The following CYSTM1 variants were observed in gnomAD, a reference collection of about 807,000 sequenced individuals.
CYSTM1 encodes cysteine rich transmembrane module containing 1.
In CYSTM1, 4 loss-of-function variants were observed where a neutral mutation model predicts 13.1. The ratio of observed to expected loss-of-function variants is 0.31; its 90% CI spans 0.15 to 0.70. The LOEUF is 0.70. Ranked by LOEUF, CYSTM1 falls within the 30% of genes least tolerant of loss-of-function variation. The pLI is 0.72. For synonymous variants in CYSTM1, 36 were observed against 42.7 expected (o/e 0.84, Z 0.62); for missense variants, 96 against 121.6 (o/e 0.79, Z 0.99).
At chr5:140,186,156 C>T (rs28631068) in intron 1 of CYSTM1, among the ~76,000 whole-genome samples, 35,108 of 152,116 alleles carry the variant, frequency 0.23, 4,079 homozygotes, top group African/African-American at 0.25. Context: ...CTCTTATCTC[C>T]AGCTCTAGGC....
intron 2 of CYSTM1, among the ~76,000 whole-genome samples, chr5:140,220,528 G>T (rs1223267045): frequency 3.9e-5 from 6 of 152,120 alleles, no homozygotes; most frequent in Non-Finnish European, 5.9e-5. Context: ...TTGGCATGTG[G>T]CTGTGAGCTT....
intron 2 of CYSTM1, among the ~76,000 whole-genome samples, chr5:140,218,461 G>C (rs1287355827): frequency 6.6e-6 from 1 of 152,184 alleles, no homozygotes; most frequent in Non-Finnish European, 1.5e-5. Flanking sequence ...GGCCTATGTG[G>C]ATTAACTCAT....
At chr5:140,224,479 A>G (rs1257738535) in intron 2 of CYSTM1, among the ~76,000 whole-genome samples, 1 of 152,004 alleles carries the variant, frequency 6.6e-6, no homozygotes, top group Non-Finnish European at 1.5e-5. Context: ...GATTAGACAA[A>G]TATCTTCACT....
At position 140,183,343 on chromosome 5, in the gene CYSTM1, C is replaced by A. The variant is rs1220363707; in HGVS notation, c.-21+8058C>A. On this transcript the variant is annotated intron_variant, in intron 1 of 2. Transcript: ENST00000261811. ...GTGTTCACAGCTTTCTTCCCTTTTC[C>A]TTTCCCTTCTGTTCAATACTGCCCT... 3.9e-5 allele frequency among the ~76,000 whole-genome samples: 6 copies of A among 152,318 alleles called. No individual in the cohort carries two copies. In the East Asian group the frequency reaches 1.2e-3, roughly 29 times the overall value.
intron 2 of CYSTM1, among the ~76,000 whole-genome samples, chr5:140,225,501 C>A (rs181406914): frequency 5.8e-4 from 88 of 152,330 alleles, no homozygotes; most frequent in Middle Eastern, 3.4e-3. Flanking sequence ...TCCCATGTCC[C>A]ATATGTTTCT....
chr5:140,243,094 C>T (rs1329252231), intron 2 of CYSTM1, among the ~76,000 whole-genome samples: 2 of 152,310 alleles, frequency 1.3e-5, no homozygotes, highest in African/African-American at 2.4e-5. Flanking sequence ...AGGGTGAGGG[C>T]GTCCTGAGTC....
rs565166259 is a variant in CYSTM1, at chr5:140,212,224, C to T, written c.187+17572C>T. ...ATTCTTAACTACAGTCATGCACCGC[C>T]GCATAAGGATGTCTTGGTCAACAAC... On this transcript the variant is annotated intron_variant, in intron 2 of 2. Coordinates refer to ENST00000261811, the MANE Select transcript of CYSTM1 (RefSeq NM_032412.4). Among the ~76,000 whole-genome samples, 4 of 152,184 alleles carry T rather than the reference C, an allele frequency of 2.6e-5. No individual in the cohort carries two copies. In the East Asian group the frequency reaches 5.8e-4, roughly 22 times the overall value.
At chr5:140,188,778 C>A (rs1216671900) in intron 1 of CYSTM1, among the ~76,000 whole-genome samples, 1,533 of 112,996 alleles carry the variant, frequency 0.014, no homozygotes, top group South Asian at 0.028. Context: ...GACTCCGTCT[C>A]AAAAAAAAAA....
Position 140,194,609 on chromosome 5 carries a change from G to T in CYSTM1, c.144G>T (p.Gln48His). The T allele has an allele frequency of 6.2e-7, 1 of 1,613,500 alleles. No individual in the cohort carries two copies. Among genetic ancestry groups the T allele is most frequent in the African/African-American group, 1.3e-5 (1 of 75,022 alleles). ...PQGYPYQGYP[Q>H]YGWQGGPQEP... Reference sequence around the variant, plus strand: ...GGTACCCCTACCAAGGATACCCACAGTACGGCTGGCAGGGTGGACCTCAGG... The same window carrying T: ...GGTACCCCTACCAAGGATACCCACATTACGGCTGGCAGGGTGGACCTCAGG... Residue 48 changes from glutamine to histidine, a missense_variant, in exon 2 of 3, where the codon CAG becomes CAT. Coordinates refer to ENST00000261811, the MANE Select transcript of CYSTM1 (RefSeq NM_032412.4).
At chr5:140,176,582 A>G (rs562031531) in intron 1 of CYSTM1, among the ~76,000 whole-genome samples, 29 of 152,276 alleles carry the variant, frequency 1.9e-4, no homozygotes, top group African/African-American at 6.3e-4. Flanking sequence ...AGCGTCCACA[A>G]CACTTTGCCC....
chr5:140,183,323 C>G (rs1249647721), intron 1 of CYSTM1, among the ~76,000 whole-genome samples: 1 of 152,208 alleles, frequency 6.6e-6, no homozygotes, highest in East Asian at 1.9e-4. Context: ...TTTCTGTGTT[C>G]ACAGCTTTCT....
chr5:140,182,337 T>C (rs1362127829), intron 1 of CYSTM1, among the ~76,000 whole-genome samples: 1 of 152,214 alleles, frequency 6.6e-6, no homozygotes. Context: ...TTCAATCCTA[T>C]CTTTTCCTAA....
chr5:140,242,901 G>A (rs987957543), intron 2 of CYSTM1, among the ~76,000 whole-genome samples: 1 of 152,234 alleles, frequency 6.6e-6, no homozygotes, highest in South Asian at 2.1e-4. Flanking sequence ...TTTAAAAGGA[G>A]ATTTTAATTC....
Position 140,201,152 on chromosome 5 carries a change from T to A in CYSTM1, c.187+6500T>A, listed in dbSNP as rs184698830. ...TAATGAATAATGGCTGTTATAAACA[T>A]TTGTATAAAATAGACTCCATCCTGG... On this transcript the variant is annotated intron_variant, in intron 2 of 2. Coordinates refer to ENST00000261811, the MANE Select transcript of CYSTM1 (RefSeq NM_032412.4). 1.3e-5 allele frequency: 2 copies of A among 152,348 alleles called. 1 individual carries two copies. Among genetic ancestry groups the A allele is most frequent in the Admixed American group, 1.3e-4 (2 of 15,306 alleles). 9.4% of individuals were successfully genotyped at this position (152,348 alleles called of 1,614,324 possible).
intron 2 of CYSTM1, among the ~76,000 whole-genome samples, chr5:140,212,208 T>G (rs1554132933): frequency 6.6e-6 from 1 of 152,156 alleles, no homozygotes; most frequent in Non-Finnish European, 1.5e-5. Context: ...TATTCTTAAC[T>G]ACAGTCATGC....
At chr5:140,194,778 GA>G (rs1281509748) in intron 2 of CYSTM1, 126 bp downstream of exon 2, 61 of 1,200,894 alleles carry the variant, frequency 5.1e-5, no homozygotes, top group Non-Finnish European at 7.0e-5. Flanking sequence ...CCCAAAGCTT[GA>G]TGATGGCTTA....
At chr5:140,234,962 A>G (rs1041308802) in intron 2 of CYSTM1, among the ~76,000 whole-genome samples, 9 of 118,668 alleles carry the variant, frequency 7.6e-5, no homozygotes, top group Non-Finnish European at 1.3e-4. Flanking sequence ...TATCAGCCTC[A>G]TTCATAATTT....
At chr5:140,203,164 C>T (rs1183109617) in intron 2 of CYSTM1, 2 of 151,978 alleles carry the variant, frequency 1.3e-5, no homozygotes, top group African/African-American at 4.8e-5. Flanking sequence ...GCACATGTAC[C>T]CCTGAACATA....
At chr5:140,179,107 A>T (rs1050212491) in intron 1 of CYSTM1, among the ~76,000 whole-genome samples, 6 of 151,480 alleles carry the variant, frequency 4.0e-5, no homozygotes, top group African/African-American at 1.5e-4. Context: ...AAAAATTTTT[A>T]AAAATTAGCT....
Sources: gnomAD v4.1 joint callset for allele counts (sites outside exome capture counted in the v4.1 genomes callset) on GRCh38, gnomAD v4.1.1 for gene constraint, MANE v1.5 for transcripts, NCBI Gene and HGNC (gene_info 2026-07-23, HGNC 2026-07-21) for gene names.